Variants in UBAP2L observed in about 807,000 individuals in gnomAD.
The protein encoded by UBAP2L is ubiquitin associated protein 2 like, also known as ubiquitin-associated protein 2-like.
Under a neutral mutation model 130.6 loss-of-function variants are expected in UBAP2L, and 12 were observed. The observed-to-expected ratio is 0.09, with a 90% CI of 0.06 to 0.15. The LOEUF is 0.15. Among genes scored for constraint, UBAP2L ranks in the 10% least tolerant of loss-of-function variants. The probability of loss-of-function intolerance (pLI) is 1.00; values close to 1 mark genes in which losing one functional copy is unlikely to be tolerated. For missense variants in UBAP2L, 965 were observed against 1,332.5 expected, an observed-to-expected ratio of 0.72 and a Z score of 4.29; for synonymous variants, 503 against 524.7, an observed-to-expected ratio of 0.96 and a Z score of 0.57.
At chr1:154,255,468 G>A (rs1679324622) in intron 17 of UBAP2L, 142 bp downstream of exon 17, 2 of 1,231,242 alleles carry the variant, frequency 1.6e-6, no homozygotes, top group Admixed American at 4.7e-5. Context: ...TGTGGGAAGT[G>A]AAGACAGAGG....
At chr1:154,226,596 G>C (rs1668013940) in intron 2 of UBAP2L, among the ~76,000 whole-genome samples, 1 of 152,154 alleles carries the variant, frequency 6.6e-6, no homozygotes, top group Non-Finnish European at 1.5e-5. Flanking sequence ...TGAGTCTATT[G>C]TCAGACTTGT....
In UBAP2L at chr1:154,268,759, G is replaced by C; in HGVS notation, c.2973G>C (p.Gln991His). The C allele has an allele frequency of 1.2e-6, 2 of 1,614,056 alleles. No homozygotes were observed. Among genetic ancestry groups the C allele is most frequent in the Non-Finnish European group, 1.7e-6 (2 of 1,179,988 alleles). ...ISGSVYSKTQ[Q>H]SFEKQGFHSG... ...TCTCCTCCTGGCCTCCTGGATAGCA[G>C]TCCTTTGAGAAACAAGGTTTTCATT... Residue 991 changes from glutamine (Q) to histidine (H), a missense_variant and splice_region_variant, in exon 26 of 27, where the codon CAG (glutamine) becomes CAC (histidine). By Grantham distance (24) the Gln-to-His change is conservative. Transcript: ENST00000428931.
chr1:154,242,125 T>C (rs1351009284), intron 9 of UBAP2L, among the ~76,000 whole-genome samples: 2 of 152,324 alleles, frequency 1.3e-5, no homozygotes, highest in East Asian at 1.9e-4. Context: ...GGAAACCTCA[T>C]AGATGGGTGG....
rs1677475768 is a variant in UBAP2L at position 154,251,141 on chromosome 1, G to A, written c.1314G>A (p.Lys438=). The A allele has an allele frequency of 3.1e-6, 5 of 1,614,014 alleles. No homozygotes were observed. The East Asian group carries it at 6.7e-5, about 22-fold the overall frequency. The change falls in exon 13 of 27, where the codon AAG becomes AAA. Residue 438 remains lysine (K), a synonymous_variant. Coordinates refer to ENST00000428931, the MANE Select transcript of UBAP2L (RefSeq NM_014847.4). ...TGATGGAGGTGTTCCTTCAGGAGAAGTCACCTGCAGTGGCTACCTCCACAG... is the reference window on the plus strand; with the variant it reads ...TGATGGAGGTGTTCCTTCAGGAGAAATCACCTGCAGTGGCTACCTCCACAG... The part of the protein sequence containing the change: ...STMMEVFLQE[K]SPAVATSTAA...
chr1:154,233,617 C>A (rs759064020), intron 4 of UBAP2L, among the ~76,000 whole-genome samples: 1 of 150,842 alleles, frequency 6.6e-6, no homozygotes. Context: ...GCCACCGCAC[C>A]TGGCCACCCA....
At chr1:154,261,510 G>C (rs1681543805) in intron 23 of UBAP2L, 82 bp from the exon 24 acceptor site, 1 of 1,331,484 alleles carries the variant, frequency 7.5e-7, no homozygotes, top group Non-Finnish European at 1.1e-6. Flanking sequence ...CCATCTGAAT[G>C]GCCAGTACCT....
At chr1:154,248,031 G>T (rs572407399) in intron 11 of UBAP2L, among the ~76,000 whole-genome samples, 1 of 151,416 alleles carries the variant, frequency 6.6e-6, no homozygotes, top group Non-Finnish European at 1.5e-5. Flanking sequence ...GCAATGGCGC[G>T]ATCTTGGCTC....
intron 8 of UBAP2L, among the ~76,000 whole-genome samples, chr1:154,239,372 A>G (rs896840092): frequency 6.6e-6 from 1 of 151,936 alleles, no homozygotes; most frequent in African/African-American, 2.4e-5. Context: ...ATTTTTGTAG[A>G]TTTTTATGAG....
upstream of UBAP2L, chr1:154,220,511 C>T: frequency 2.3e-6 from 3 of 1,303,656 alleles, no homozygotes; most frequent in African/African-American, 2.9e-5. Context: ...TGGAGCTCCC[C>T]GGCCATTTCC....
In UBAP2L at chr1:154,268,931, C is replaced by T; in HGVS notation, c.3145C>T (p.His1049Tyr). ...GCAGCCGCATTCTCAGATCCTTCAC[C>T]ATCACCTGCAGCAGGATGGCCAGGT... The part of the protein sequence containing the change: ...HQQPHSQILH[H>Y]HLQQDGQTGS... The change falls in exon 26 of 27, where the codon CAT (histidine) becomes TAT (tyrosine). Residue 1049 changes from histidine to tyrosine, a missense_variant. Transcript: ENST00000428931. The T allele has an allele frequency of 6.2e-7, 1 of 1,613,862 alleles. No homozygotes were observed. The highest frequency in any genetic ancestry group is 8.5e-7 in the Non-Finnish European group (1 of 1,179,960).
chr1:154,255,012 AG>A, intron 16 of UBAP2L, 122 bp downstream of exon 16: 1 of 1,422,862 alleles, frequency 7.0e-7, no homozygotes, highest in Non-Finnish European at 9.5e-7. Context: ...TCAGCATTAA[AG>A]AAAAAAGATT....
intron 8 of UBAP2L, 69 bp downstream of exon 8, chr1:154,237,205 T>A (rs1671965170): frequency 2.9e-6 from 4 of 1,387,652 alleles, no homozygotes; most frequent in Non-Finnish European, 4.1e-6. Context: ...CTGATTATAC[T>A]TACATTAAAA....
Position 154,257,405 on chromosome 1 carries a change from A to T in UBAP2L, c.2413A>T (p.Met805Leu). Residue 805 changes from methionine to leucine, a missense_variant, in exon 20 of 27, where the codon ATG (methionine) becomes TTG (leucine). Coordinates refer to ENST00000428931, the MANE Select transcript of UBAP2L (RefSeq NM_014847.4). ...GCCGTTGTTGCCTAATCCGTATATTATGGCTCCAGGGCTGTTACATGCCTA... is the reference window on the plus strand; with the variant it reads ...GCCGTTGTTGCCTAATCCGTATATTTTGGCTCCAGGGCTGTTACATGCCTA... ...VPPLLPNPYI[M>L]APGLLHAYPP... 2.5e-6 allele frequency: 4 copies of T among 1,613,068 alleles called. No homozygotes were observed. The highest frequency in any genetic ancestry group is 3.4e-6 in the Non-Finnish European group (4 of 1,180,034).
chr1:154,244,011 A>G (rs1054501593), intron 10 of UBAP2L, among the ~76,000 whole-genome samples: 1 of 152,204 alleles, frequency 6.6e-6, no homozygotes, highest in African/African-American at 2.4e-5. Flanking sequence ...CTCTGAGCCC[A>G]CTGAGTATAA....
downstream of UBAP2L, chr1:154,271,464 AAAAAC>A (rs995371978): frequency 2.6e-5 from 4 of 152,232 alleles, no homozygotes; most frequent in Non-Finnish European, 4.4e-5. Context: ...AACGAAATAA[AAAAAC>A]AAAACCTTGG....
At chr1:154,226,979 C>T (rs1402582126) in intron 2 of UBAP2L, among the ~76,000 whole-genome samples, 2 of 152,146 alleles carry the variant, frequency 1.3e-5, no homozygotes, top group African/African-American at 4.8e-5. Context: ...TGCACCACCA[C>T]ACCCGGCTAA....
chr1:154,242,929 TTTA>T, intron 9 of UBAP2L: 1 of 192,756 alleles, frequency 5.2e-6, no homozygotes. Flanking sequence ...TTTTCTTTCT[TTTA>T]TTTTTTTTTT....
intron 15 of UBAP2L, among the ~76,000 whole-genome samples, 176 bp downstream of exon 15, chr1:154,254,265 C>A (rs543813895): frequency 6.6e-6 from 1 of 152,146 alleles, no homozygotes; most frequent in African/African-American, 2.4e-5. Flanking sequence ...ATCAGCAAAC[C>A]CGGAGACTGA....
intron 18 of UBAP2L, 35 bp from the exon 19 acceptor site, chr1:154,257,028 T>A: frequency 1.9e-6 from 3 of 1,596,692 alleles, no homozygotes; most frequent in Non-Finnish European, 2.6e-6. Flanking sequence ...TGATCTCTTT[T>A]CTTCTTCTCT....
Sources: gnomAD v4.1 joint callset for allele counts (sites outside exome capture counted in the v4.1 genomes callset) on GRCh38, gnomAD v4.1.1 for gene constraint, MANE v1.5 for transcripts, NCBI Gene and HGNC (gene_info 2026-07-23, HGNC 2026-07-21) for gene names.